PIKFYVE: variants seen among roughly 807,000 people sequenced by gnomAD.
PIKFYVE encodes the protein phosphoinositide kinase, FYVE-type zinc finger containing, also known as 1-phosphatidylinositol 3-phosphate 5-kinase.
PIKFYVE carries 122 observed loss-of-function variants against 257.9 expected under a neutral mutation model. That is an observed-to-expected ratio of 0.47 (90% CI 0.41 to 0.55). The LOEUF is 0.55. Ranked by LOEUF, PIKFYVE falls within the 20% of genes least tolerant of loss-of-function variation. PIKFYVE has a pLI of 0.00. For missense variants in PIKFYVE, 2,160 were observed against 2,536.6 expected, an observed-to-expected ratio of 0.85 and a Z score of 3.19; for synonymous variants, 892 against 868.9, an observed-to-expected ratio of 1.03 and a Z score of -0.47.
intron 21 of PIKFYVE, among the ~76,000 whole-genome samples, chr2:208,328,757 A>G (rs1200092907): frequency 6.6e-6 from 1 of 152,214 alleles, no homozygotes; most frequent in Non-Finnish European, 1.5e-5. Flanking sequence ...GTTTGTATAC[A>G]TTGAACCACC....
At chr2:208,291,854 T>C (rs1397501341) in intron 7 of PIKFYVE, among the ~76,000 whole-genome samples, 1 of 152,108 alleles carries the variant, frequency 6.6e-6, no homozygotes, top group Non-Finnish European at 1.5e-5. Context: ...AATATGCTTT[T>C]TGACAAACAC....
intron 5 of PIKFYVE, among the ~76,000 whole-genome samples, chr2:208,280,192 A>G (rs955121151): frequency 6.6e-6 from 1 of 152,182 alleles, no homozygotes; most frequent in Non-Finnish European, 1.5e-5. Flanking sequence ...CTGCCATAAC[A>G]CAGTACCACA....
intron 5 of PIKFYVE, among the ~76,000 whole-genome samples, chr2:208,284,989 A>G (rs1691360880): frequency 6.6e-6 from 1 of 152,104 alleles, no homozygotes; most frequent in Non-Finnish European, 1.5e-5. Context: ...TGCCTGTCCT[A>G]GATCCCTTAT....
chr2:208,307,965 A>G (rs1217646920), intron 12 of PIKFYVE, among the ~76,000 whole-genome samples: 1 of 152,238 alleles, frequency 6.6e-6, no homozygotes, highest in Non-Finnish European at 1.5e-5. Context: ...TAAATTGACA[A>G]ATTATAATTG....
Position 208,342,639 on chromosome 2 carries a change from T to C in PIKFYVE, c.5017T>C (p.Phe1673Leu). Residue 1673 changes from phenylalanine to leucine, a missense_variant, in exon 32 of 42, where the codon TTT becomes CTT. Coordinates refer to ENST00000264380, the MANE Select transcript of PIKFYVE (RefSeq NM_015040.4). ...CEKEPSSIIA[F>L]ALSCKEYRNA... ...GAAGGAACCCAGCTCCATCATTGCT[T>C]TTGCTCTCAGGTATTATTCATGGGA... is the stretch of plus-strand genomic sequence containing the variant. The C allele has an allele frequency of 6.2e-7, 1 of 1,609,978 alleles. No homozygotes were observed. Among genetic ancestry groups the C allele is most frequent in the South Asian group, 1.1e-5 (1 of 91,006 alleles).
At chr2:208,274,519 G>A (rs1392591116) in intron 3 of PIKFYVE, among the ~76,000 whole-genome samples, 2 of 152,174 alleles carry the variant, frequency 1.3e-5, no homozygotes, top group African/African-American at 2.4e-5. Context: ...CCCCCAGATA[G>A]TGGTGGTTGG....
At chr2:208,308,393 T>A (rs1160020246) in intron 12 of PIKFYVE, among the ~76,000 whole-genome samples, 1 of 82,638 alleles carries the variant, frequency 1.2e-5, no homozygotes, top group African/African-American at 3.9e-5. Flanking sequence ...AGAGTGAGAC[T>A]TTATCTAAAA....
intron 10 of PIKFYVE, 72 bp downstream of exon 10, chr2:208,302,425 T>TA (rs1366002287): frequency 7.5e-7 from 1 of 1,327,922 alleles, no homozygotes; most frequent in African/African-American, 1.5e-5. Flanking sequence ...TCAGTGGGAA[T>TA]AAAAAGTAGT....
intron 29 of PIKFYVE, among the ~76,000 whole-genome samples, chr2:208,338,846 A>G (rs1000158576): frequency 6.6e-6 from 1 of 152,214 alleles, no homozygotes; most frequent in African/African-American, 2.4e-5. Flanking sequence ...TGCTTATTAC[A>G]AAGTCAATCC....
chr2:208,327,122 T>C (rs1697019623), intron 20 of PIKFYVE, among the ~76,000 whole-genome samples: 1 of 152,160 alleles, frequency 6.6e-6, no homozygotes, highest in African/African-American at 2.4e-5. Flanking sequence ...TGCTAAATAA[T>C]AGTGGTGCTA....
At chr2:208,275,122 A>G (rs958353761) in intron 3 of PIKFYVE, among the ~76,000 whole-genome samples, 1 of 152,172 alleles carries the variant, frequency 6.6e-6, no homozygotes, top group Non-Finnish European at 1.5e-5. Context: ...TCTTTTCCCT[A>G]TTAAAAGGGC....
intron 7 of PIKFYVE, among the ~76,000 whole-genome samples, chr2:208,290,865 T>C (rs1051973781): frequency 1.6e-4 from 25 of 152,232 alleles, no homozygotes; most frequent in Middle Eastern, 3.2e-3. Flanking sequence ...TCTTGTATCC[T>C]GCCACCTTGC....
chr2:208,305,606 AAT>A lies in PIKFYVE; in HGVS notation c.1636+595_1636+596del, dbSNP rs541701440. The A allele has an allele frequency of 5.0e-5, 23 of 460,668 alleles. No individual in the cohort carries two copies. The South Asian group carries it at 1.6e-3, about 33-fold the overall frequency. 28.5% of individuals were successfully genotyped at this position (460,668 alleles called of 1,614,324 possible). A position where few individuals can be genotyped will look rare whatever the true frequency, so the allele number is the denominator to read the frequency against. Reference sequence around the variant, plus strand: ...TGCTTTAGTCTACTGGCTGAAAAATAATAGTGACCATATTCAAAAGATATTTG... The same window carrying A: ...TGCTTTAGTCTACTGGCTGAAAAATAAGTGACCATATTCAAAAGATATTTG... On this transcript the variant is annotated intron_variant, in intron 12 of 41. Transcript: ENST00000264380.
In PIKFYVE at chr2:208,336,163, C is replaced by T. The variant is rs1423649261; in HGVS notation, c.4483C>T (p.Gln1495Ter). ...CTTTGAGTCACTCATTGCCAAGAAA[C>T]AAAGTCTCTGTGAAGTGCTGCAAGC... ...SVFESLIAKK[Q>*]SLCEVLQAWN... Residue 1495 changes from glutamine (Q) to a stop codon, truncating the protein, a stop_gained, in exon 27 of 42, where the codon CAA (glutamine) becomes TAA (stop). Coordinates refer to ENST00000264380, the MANE Select transcript of PIKFYVE (RefSeq NM_015040.4). LOFTEE classifies it high-confidence loss of function. 6.2e-7 allele frequency: 1 copy of T among 1,614,078 alleles called. No homozygotes were observed. The highest frequency in any genetic ancestry group is 8.5e-7 in the Non-Finnish European group (1 of 1,179,962).
chr2:208,336,911 C>T lies in PIKFYVE; in HGVS notation c.4594C>T (p.Gln1532Ter). ...TCCTCCAAGTCCTGGAAGACTGAGA[C>T]AAGGGGAAGAAAGCAAGGTATGAAA... is the stretch of plus-strand genomic sequence containing the variant. ...SVPPSPGRLRQGEESKISAMD... is the reference protein window; with the variant it reads ...SVPPSPGRLR Residue 1532 changes from glutamine (Q) to a stop codon, truncating the protein, a stop_gained, in exon 28 of 42, where the codon CAA becomes TAA. Transcript: ENST00000264380. LOFTEE classifies it high-confidence loss of function. 6.2e-7 allele frequency: 1 copy of T among 1,611,972 alleles called. No homozygotes were observed. Among genetic ancestry groups the T allele is most frequent in the South Asian group, 1.1e-5 (1 of 91,034 alleles).
intron 1 of PIKFYVE, chr2:208,269,934 T>C: frequency 4.0e-6 from 1 of 248,694 alleles, no homozygotes; most frequent in Non-Finnish European, 8.4e-6. Flanking sequence ...TGCTGGTTCC[T>C]CCCAGAATAT....
intron 7 of PIKFYVE, among the ~76,000 whole-genome samples, chr2:208,290,806 T>A (rs1004443341): frequency 2.0e-5 from 3 of 152,178 alleles, no homozygotes; most frequent in African/African-American, 7.2e-5. Flanking sequence ...TTTTGGCAGT[T>A]TTAATGGGTG....
intron 39 of PIKFYVE, among the ~76,000 whole-genome samples, chr2:208,353,296 A>G (rs2125829742): frequency 6.6e-6 from 1 of 152,348 alleles, no homozygotes; most frequent in Non-Finnish European, 1.5e-5. Flanking sequence ...TATACTTAAT[A>G]ATGTAATTGA....
intron 10 of PIKFYVE, 43 bp from the exon 11 acceptor site, chr2:208,304,128 C>G (rs754028824): frequency 1.1e-5 from 18 of 1,599,276 alleles, no homozygotes; most frequent in Non-Finnish European, 1.5e-5. Context: ...AACATTGTTG[C>G]CATTGAAGGC....
Sources: allele counts gnomAD v4.1 joint callset (sites outside exome capture counted in the v4.1 genomes callset), GRCh38; gene constraint gnomAD v4.1.1; transcripts MANE v1.5; gene names NCBI Gene and HGNC (gene_info 2026-07-23, HGNC 2026-07-21).